The following CHRM2 variants were observed in gnomAD, a reference collection of about 807,000 sequenced individuals.
CHRM2 encodes muscarinic acetylcholine receptor M2.
CHRM2 carries 8 observed loss-of-function variants against 25.0 expected under a neutral mutation model. That is an observed-to-expected ratio of 0.32 (90% CI 0.19 to 0.58). CHRM2 has a LOEUF of 0.58. CHRM2 is among the 20% of genes least tolerant of loss of function. CHRM2 has a pLI of 0.88. For synonymous variants in CHRM2, 202 were observed against 205.7 expected, an observed-to-expected ratio of 0.98 and a Z score of 0.15; for missense variants, 440 against 567.1, an observed-to-expected ratio of 0.78 and a Z score of 2.28.
intron 2 of CHRM2, among the ~76,000 whole-genome samples, chr7:136,922,075 C>A (rs557388511): frequency 6.6e-6 from 1 of 152,202 alleles, no homozygotes; most frequent in South Asian, 2.1e-4. Flanking sequence ...CCCATTCATG[C>A]AAATTAGAAC....
chr7:136,956,943 T>G (rs1300547479), intron 2 of CHRM2, among the ~76,000 whole-genome samples: 1 of 152,094 alleles, frequency 6.6e-6, no homozygotes, highest in Non-Finnish European at 1.5e-5. Flanking sequence ...GAAGGCTACA[T>G]GTGACATAAT....
intron 2 of CHRM2, among the ~76,000 whole-genome samples, chr7:136,923,588 C>T (rs1167158228): frequency 3.9e-5 from 6 of 152,088 alleles, no homozygotes; most frequent in African/African-American, 1.4e-4. Context: ...ATTAAGGAAC[C>T]CCCAAAGCTA....
chr7:136,911,125 T>C (rs1797822042), intron 2 of CHRM2, among the ~76,000 whole-genome samples: 1 of 151,922 alleles, frequency 6.6e-6, no homozygotes, highest in South Asian at 2.1e-4. Flanking sequence ...TAATTTTTTT[T>C]ATTCAGCAAA....
intron 2 of CHRM2, among the ~76,000 whole-genome samples, chr7:136,925,516 AG>A (rs1464246199): frequency 6.6e-6 from 1 of 151,628 alleles, no homozygotes; most frequent in East Asian, 1.9e-4. Flanking sequence ...CCAAAAACAA[AG>A]AACAATGTAA....
intron 2 of CHRM2, among the ~76,000 whole-genome samples, chr7:136,914,585 G>A (rs534444932): frequency 6.6e-6 from 1 of 151,968 alleles, no homozygotes; most frequent in African/African-American, 2.4e-5. Context: ...AAATAAGGCA[G>A]TATTATATCA....
At position 136,869,384 on chromosome 7, in the gene CHRM2, A is replaced by G. The variant is rs577160316; in HGVS notation, c.-159A>G. On this transcript the variant is annotated 5_prime_UTR_variant, in exon 2 of 4. Transcript: ENST00000680005. The surrounding 1 kb of genome is among the most constrained non-coding windows in gnomAD (Gnocchi z 4.9). ...CTCCTTCAAGCCTCCACCACCTCGC[A>G]GCCGGGGAGGCAACTGGAGCGAAAC... is the stretch of plus-strand genomic sequence containing the variant. 26 of 152,428 alleles carry G rather than the reference A, an allele frequency of 1.7e-4. No homozygotes were observed. The highest frequency in any genetic ancestry group is 5.8e-4 in the African/African-American group (24 of 41,562). The allele number at this position is 152,428 out of a possible 1,614,324, so 9.4% of individuals were successfully genotyped here.
At chr7:137,002,277 T>C (rs1242998750) in intron 3 of CHRM2, among the ~76,000 whole-genome samples, 1 of 152,208 alleles carries the variant, frequency 6.6e-6, no homozygotes, top group Non-Finnish European at 1.5e-5. Context: ...AAGTTACAAA[T>C]TAACTTTATG....
intron 3 of CHRM2, among the ~76,000 whole-genome samples, chr7:137,006,341 T>A (rs912491899): frequency 6.6e-6 from 1 of 152,076 alleles, no homozygotes; most frequent in African/African-American, 2.4e-5. Context: ...AAGGTCCCAG[T>A]TAAGTTGCTT....
In CHRM2 at chr7:137,003,567, C is replaced by T. The variant is rs957997848; in HGVS notation, c.-46-11253C>T. On this transcript the variant is annotated intron_variant, in intron 3 of 3. Transcript: ENST00000680005. The stretch of plus-strand genomic sequence containing the variant: ...TAGGTGAATAAATACAGGCCCAGGC[C>T]CAAACCTCTCAGCTTCCTATTTCCT... Among the ~76,000 whole-genome samples, 7 of 150,574 alleles carry T rather than the reference C, an allele frequency of 4.6e-5. No individual in the cohort carries two copies. The South Asian group carries it at 1.5e-3, about 32-fold the overall frequency.
At chr7:136,964,475 G>A (rs1368942499) in intron 2 of CHRM2, among the ~76,000 whole-genome samples, 3 of 152,142 alleles carry the variant, frequency 2.0e-5, no homozygotes, top group African/African-American at 7.2e-5. Flanking sequence ...TAAGGGCTGG[G>A]AGAAAAACAT....
At position 136,994,525 on chromosome 7, in the gene CHRM2, T is replaced by TC. The variant is rs1392402186; in HGVS notation, c.-47+2261_-47+2262insC. Among the ~76,000 whole-genome samples the TC allele has an allele frequency of 4.3e-3, 581 of 134,532 alleles. 3 individuals carry two copies. The highest frequency in any genetic ancestry group is 6.6e-3 in the East Asian group (31 of 4,680). 88.3% of individuals were successfully genotyped at this position (134,532 alleles called of 152,430 possible). ...TTTCTGCTCTTTTTTTCTTTTCTTTTTTTTTTTTTTTTTTTTTTTTTTGAG... is the reference window on the plus strand; with the variant it reads ...TTTCTGCTCTTTTTTTCTTTTCTTTTCTTTTTTTTTTTTTTTTTTTTTTGAG... On this transcript the variant is annotated intron_variant, in intron 3 of 3. Coordinates refer to ENST00000680005, the MANE Select transcript of CHRM2 (RefSeq NM_001006630.2).
At chr7:136,939,179 T>C (rs955667858) in intron 2 of CHRM2, among the ~76,000 whole-genome samples, 1 of 152,166 alleles carries the variant, frequency 6.6e-6, no homozygotes, top group African/African-American at 2.4e-5. Context: ...CAGATGCTCC[T>C]TCCAAGGTAA....
chr7:136,959,781 C>A (rs1000097880), intron 2 of CHRM2, among the ~76,000 whole-genome samples: 6 of 152,078 alleles, frequency 3.9e-5, no homozygotes, highest in Admixed American at 3.9e-4. Context: ...CCTGGTGGTG[C>A]ATGCCTGTAA....
At chr7:136,933,611 T>C (rs1371186391) in intron 2 of CHRM2, among the ~76,000 whole-genome samples, 2 of 152,224 alleles carry the variant, frequency 1.3e-5, no homozygotes, top group African/African-American at 4.8e-5. Context: ...ATAAAATGTT[T>C]GTACATGAAT....
intron 2 of CHRM2, among the ~76,000 whole-genome samples, chr7:136,919,059 G>T (rs1017539273): frequency 6.6e-6 from 1 of 151,970 alleles, no homozygotes; most frequent in Non-Finnish European, 1.5e-5. Context: ...GAAAAGAATC[G>T]GCCATTTTTC....
At chr7:136,937,260 C>T (rs1799468453) in intron 2 of CHRM2, among the ~76,000 whole-genome samples, 1 of 152,168 alleles carries the variant, frequency 6.6e-6, no homozygotes, top group South Asian at 2.1e-4. Context: ...GTTAGAATAA[C>T]AGCCAAAGTT....
At chr7:136,895,734 A>G (rs1796867898) in intron 2 of CHRM2, among the ~76,000 whole-genome samples, 1 of 152,200 alleles carries the variant, frequency 6.6e-6, no homozygotes, top group African/African-American at 2.4e-5. Context: ...TCTTTTGGCC[A>G]ATCGCTTTGT....
At chr7:137,004,792 A>G (rs894011120) in intron 3 of CHRM2, among the ~76,000 whole-genome samples, 146 of 152,080 alleles carry the variant, frequency 9.6e-4, no homozygotes, top group African/African-American at 3.4e-3. Flanking sequence ...CTTCATCTCA[A>G]TTGCCATTAG....
intron 2 of CHRM2, chr7:136,938,195 A>T (rs145943306): frequency 1.3e-6 from 1 of 750,650 alleles, no homozygotes; most frequent in Non-Finnish European, 2.4e-6. Context: ...TCCATCGCAC[A>T]GCAGGTTACT....
Sources: allele counts gnomAD v4.1 joint callset (sites outside exome capture counted in the v4.1 genomes callset), GRCh38; gene constraint gnomAD v4.1.1; non-coding constraint Gnocchi (gnomAD v3.1); transcripts MANE v1.5; gene names NCBI Gene and HGNC (gene_info 2026-07-23, HGNC 2026-07-21).